Variants in ELAPOR2 observed in about 807,000 individuals in gnomAD.
ELAPOR2 encodes the protein endosome-lysosome associated apoptosis and autophagy regulator family member 2.
A neutral mutation model predicts 120.7 loss-of-function variants in ELAPOR2; 89 were observed. The ratio of observed to expected loss-of-function variants is 0.74; its 90% CI spans 0.62 to 0.88. The LOEUF is 0.88. Ranked by LOEUF, ELAPOR2 falls within the 40% of genes least tolerant of loss-of-function variation. The pLI is 0.00. For missense variants in ELAPOR2, 1,134 were observed against 1,251.6 expected (o/e 0.91, Z 1.42); for synonymous variants, 444 against 444.9 (o/e 1.00, Z 0.03).
chr7:86,997,154 T>G (rs1793153761), intron 1 of ELAPOR2, among the ~76,000 whole-genome samples: 2 of 152,208 alleles, frequency 1.3e-5, no homozygotes, highest in Admixed American at 1.3e-4. Flanking sequence ...TCATGCTTTG[T>G]GTAGATTTAG....
chr7:87,033,873 A>G (rs1794496300), intron 1 of ELAPOR2, among the ~76,000 whole-genome samples: 1 of 152,142 alleles, frequency 6.6e-6, no homozygotes, highest in Admixed American at 6.6e-5. Context: ...AATAGCTTAT[A>G]AATTTTTATA....
Position 86,877,944 on chromosome 7 carries a change from A to T in ELAPOR2, c.*2527T>A, listed in dbSNP as rs1422385843. 6.6e-6 allele frequency: 1 copy of T among 152,222 alleles called. No individual in the cohort carries two copies. Among genetic ancestry groups the T allele is most frequent in the Non-Finnish European group, 1.5e-5 (1 of 68,040 alleles). The allele number at this position is 152,222 out of a possible 1,614,324, so 9.4% of individuals were successfully genotyped here. The stretch of plus-strand genomic sequence containing the variant: ...ATATCAAAATGCTCAATGTTGTTAA[A>T]TGACATAATATAATTTATCCACAGA... On this transcript the variant is annotated 3_prime_UTR_variant, in exon 22 of 22. Transcript: ENST00000450689.
At chr7:86,932,597 T>C (rs1441985772) in intron 8 of ELAPOR2, among the ~76,000 whole-genome samples, 1 of 151,880 alleles carries the variant, frequency 6.6e-6, no homozygotes, top group Non-Finnish European at 1.5e-5. Context: ...AAAAACAACC[T>C]TTTCTCCACT....
At chr7:86,989,391 C>T (rs746765051) in intron 1 of ELAPOR2, among the ~76,000 whole-genome samples, 2 of 152,192 alleles carry the variant, frequency 1.3e-5, no homozygotes, top group African/African-American at 4.8e-5. Context: ...CAGACAGGTG[C>T]AGTGGGCTAT....
chr7:86,896,429 A>G (rs1788440445), intron 19 of ELAPOR2, among the ~76,000 whole-genome samples: 1 of 152,042 alleles, frequency 6.6e-6, no homozygotes, highest in African/African-American at 2.4e-5. Flanking sequence ...AACTGCTGCC[A>G]AATACTTGGA....
chr7:86,990,257 C>T (rs1359279933), intron 1 of ELAPOR2, among the ~76,000 whole-genome samples: 3 of 152,030 alleles, frequency 2.0e-5, no homozygotes, highest in Admixed American at 1.3e-4. Context: ...ACCGTCTTAG[C>T]CAGGATGGTC....
intron 1 of ELAPOR2, among the ~76,000 whole-genome samples, chr7:87,009,841 C>T (rs959327025): frequency 6.6e-6 from 1 of 152,188 alleles, no homozygotes; most frequent in African/African-American, 2.4e-5. Flanking sequence ...CACAGTACAA[C>T]GAGGGTTATT....
At chr7:87,026,983 T>C (rs562304869) in intron 1 of ELAPOR2, among the ~76,000 whole-genome samples, 3 of 152,236 alleles carry the variant, frequency 2.0e-5, no homozygotes, top group South Asian at 4.1e-4. Context: ...CCAATTTCTA[T>C]AATATTTTTC....
At chr7:86,903,754 T>C (rs1788831196) in intron 18 of ELAPOR2, among the ~76,000 whole-genome samples, 1 of 152,116 alleles carries the variant, frequency 6.6e-6, no homozygotes, top group African/African-American at 2.4e-5. Flanking sequence ...TTGAAGGAGG[T>C]TTTGGCAAAA....
chr7:87,049,633 A>G (rs1795047360), intron 1 of ELAPOR2, among the ~76,000 whole-genome samples: 1 of 152,174 alleles, frequency 6.6e-6, no homozygotes, highest in South Asian at 2.1e-4. Context: ...ATTGAGTAGA[A>G]ACCTGAAGTG....
chr7:86,982,413 C>A (rs1170798249), intron 1 of ELAPOR2, among the ~76,000 whole-genome samples: 1 of 152,182 alleles, frequency 6.6e-6, no homozygotes, highest in Admixed American at 6.5e-5. Context: ...CCAGTAGGGG[C>A]CGACTGACAC....
chr7:86,922,471 GA>G (rs1247672145), intron 10 of ELAPOR2, among the ~76,000 whole-genome samples: 2 of 150,624 alleles, frequency 1.3e-5, no homozygotes, highest in Admixed American at 6.6e-5. Context: ...TCATTACCTA[GA>G]AAAAAAACAC....
intron 1 of ELAPOR2, among the ~76,000 whole-genome samples, chr7:87,055,558 G>A (rs914517470): frequency 2.6e-5 from 4 of 152,002 alleles, no homozygotes; most frequent in African/African-American, 9.7e-5. Flanking sequence ...CTCTTCACCT[G>A]AAATGTCTTT....
Position 86,908,533 on chromosome 7 carries a change from A to C in ELAPOR2, c.2370T>G (p.Val790=), listed in dbSNP as rs1216391369. 9 of 1,518,724 alleles carry C rather than the reference A, an allele frequency of 5.9e-6. No homozygotes were observed. In the East Asian group the frequency reaches 2.1e-4, roughly 35 times the overall value. 94.1% of individuals were successfully genotyped at this position (1,518,724 alleles called of 1,614,324 possible). A position where few individuals can be genotyped will look rare whatever the true frequency, so the allele number is the denominator to read the frequency against. ...TATTAATATTTTTCAATGTGGTTTCAACTGTGACTCCTAGATGACATTTAA... is the reference window on the plus strand; with the variant it reads ...TATTAATATTTTTCAATGTGGTTTCCACTGTGACTCCTAGATGACATTTAA... ...ILADTFIGVT[V]ETTLKNINIK... is the part of the protein sequence containing the mutation. The change falls in exon 17 of 22, where the codon GTT becomes GTG. Residue 790 remains valine (V), a synonymous_variant. Transcript: ENST00000450689.
chr7:86,926,770 G>A lies in ELAPOR2; in HGVS notation c.1236C>T (p.Pro412=). 6.2e-7 allele frequency: 1 copy of A among 1,611,604 alleles called. No individual in the cohort carries two copies. Among genetic ancestry groups the A allele is most frequent in the African/African-American group, 1.3e-5 (1 of 74,822 alleles). The part of the protein sequence containing the change: ...FYNNGSSSCH[P]CPPGTFSDGT... ...CATCTGAAAATGTTCCAGGAGGACA[G>A]GGATGGCAAGAAGATGATCCATTGT... The change falls in exon 9 of 22, where the codon CCC becomes CCT. Residue 412 remains proline, a synonymous_variant. Coordinates refer to ENST00000450689, the MANE Select transcript of ELAPOR2 (RefSeq NM_001142749.3).
At chr7:87,045,612 G>A (rs890760004) in intron 1 of ELAPOR2, among the ~76,000 whole-genome samples, 10 of 150,068 alleles carry the variant, frequency 6.7e-5, no homozygotes, top group African/African-American at 2.5e-4. Context: ...CTGTTGTGGG[G>A]TGGGGGGAGG....
Position 86,897,614 on chromosome 7 carries a change from G to A in ELAPOR2, c.2577C>T (p.Thr859=), listed in dbSNP as rs1788504231. ...ISVPSKCPAG[T]CDGCTFYFLW... is the part of the protein sequence containing the mutation. ...GGAAATAGAACGTACACCCATCACA[G>A]GTACCTGCTGGGCACTTGCTAAAAT... The change falls in exon 19 of 22, where the codon ACC becomes ACT. Residue 859 remains threonine (T), a synonymous_variant. Coordinates refer to ENST00000450689, the MANE Select transcript of ELAPOR2 (RefSeq NM_001142749.3). The A allele has an allele frequency of 6.2e-7, 1 of 1,613,202 alleles. No homozygotes were observed. Among genetic ancestry groups the A allele is most frequent in the African/African-American group, 1.3e-5 (1 of 74,956 alleles).
intron 1 of ELAPOR2, among the ~76,000 whole-genome samples, chr7:87,018,296 C>T (rs1793932775): frequency 6.6e-6 from 1 of 152,182 alleles, no homozygotes; most frequent in Non-Finnish European, 1.5e-5. Context: ...GCCTAGTCAT[C>T]CCAAAGTGCT....
At chr7:86,889,057 A>T (rs1799826216) in intron 21 of ELAPOR2, among the ~76,000 whole-genome samples, 1 of 152,074 alleles carries the variant, frequency 6.6e-6, no homozygotes, top group Non-Finnish European at 1.5e-5. Context: ...ACTGTTATGG[A>T]TGTTAGAAAA....
Sources: allele counts gnomAD v4.1 joint callset (sites outside exome capture counted in the v4.1 genomes callset), GRCh38; gene constraint gnomAD v4.1.1; transcripts MANE v1.5; gene names NCBI Gene and HGNC (gene_info 2026-07-23, HGNC 2026-07-21).